Variants in EPHA6 observed in about 807,000 individuals in gnomAD.
EPHA6 encodes the protein ephrin type-A receptor 6.
EPHA6 carries 50 observed loss-of-function variants against 112.0 expected under a neutral mutation model. The ratio of observed to expected loss-of-function variants is 0.45; its 90% CI spans 0.36 to 0.56. EPHA6 has a LOEUF of 0.56. Among genes scored for constraint, EPHA6 ranks in the 20% least tolerant of loss-of-function variants. EPHA6 has a pLI of 0.00. For synonymous variants in EPHA6, 529 were observed against 490.7 expected, an observed-to-expected ratio of 1.08 and a Z score of -1.03; for missense variants, 1,280 against 1,417.4, an observed-to-expected ratio of 0.90 and a Z score of 1.56.
intron 11 of EPHA6, among the ~76,000 whole-genome samples, chr3:97,550,274 G>A (rs1488746724): frequency 6.6e-6 from 1 of 152,206 alleles, no homozygotes; most frequent in African/African-American, 2.4e-5. Context: ...TTACTGCAGG[G>A]ACAATAAGAA....
chr3:97,726,935 G>C (rs1280776294), intron 15 of EPHA6, among the ~76,000 whole-genome samples: 4 of 152,084 alleles, frequency 2.6e-5, no homozygotes, highest in African/African-American at 9.7e-5. Flanking sequence ...AGGTGACTTA[G>C]CTCAAGCTAA....
chr3:97,401,543 G>A (rs2086991007), intron 5 of EPHA6, among the ~76,000 whole-genome samples: 2 of 151,420 alleles, frequency 1.3e-5, no homozygotes, highest in African/African-American at 2.4e-5. Context: ...TTTGTTTCTG[G>A]TTTTGTTTAT....
intron 3 of EPHA6, among the ~76,000 whole-genome samples, chr3:97,156,357 T>C (rs955136751): frequency 1.3e-5 from 2 of 152,134 alleles, no homozygotes; most frequent in African/African-American, 4.8e-5. Flanking sequence ...ATAAATATAC[T>C]TAACAAAATT....
chr3:97,211,397 C>A (rs2077870724), intron 3 of EPHA6, among the ~76,000 whole-genome samples: 1 of 152,124 alleles, frequency 6.6e-6, no homozygotes, highest in Non-Finnish European at 1.5e-5. Flanking sequence ...TTGTCTTAGT[C>A]AGTTTGGGCT....
Position 96,824,544 on chromosome 3 carries a change from A to G in EPHA6, c.385+9536A>G, listed in dbSNP as rs185122788. Among the ~76,000 whole-genome samples, 69 of 152,122 alleles carry G rather than the reference A, an allele frequency of 4.5e-4. 2 individuals carry two copies. The East Asian group carries it at 0.012, about 27-fold the overall frequency. Reference sequence around the variant, plus strand: ...AAGCAAATATTCATCCAATTTTTAAATGAAATATTTTGACACCTATTATGT... The same window carrying G: ...AAGCAAATATTCATCCAATTTTTAAGTGAAATATTTTGACACCTATTATGT... On this transcript the variant is annotated intron_variant, in intron 1 of 17. Coordinates refer to ENST00000389672, the MANE Select transcript of EPHA6 (RefSeq NM_001080448.3).
At chr3:96,922,016 T>C (rs1423414258) in intron 2 of EPHA6, among the ~76,000 whole-genome samples, 2 of 151,782 alleles carry the variant, frequency 1.3e-5, no homozygotes, top group Admixed American at 6.6e-5. Flanking sequence ...TTAAAATAAA[T>C]GAGTCTACCT....
intron 2 of EPHA6, among the ~76,000 whole-genome samples, chr3:96,871,686 G>A (rs1282704226): frequency 2.0e-5 from 3 of 151,980 alleles, no homozygotes; most frequent in Admixed American, 6.6e-5. Context: ...ACTGGAAGTG[G>A]TGGTGGACAT....
intron 14 of EPHA6, among the ~76,000 whole-genome samples, chr3:97,682,776 G>C (rs1030563632): frequency 1.5e-4 from 23 of 152,144 alleles, no homozygotes; most frequent in African/African-American, 5.5e-4. Context: ...AACTAGCTAA[G>C]AGCTTATTTT....
chr3:97,091,944 G>A (rs2047079092), intron 3 of EPHA6, among the ~76,000 whole-genome samples: 1 of 151,810 alleles, frequency 6.6e-6, no homozygotes. Context: ...GCTTCTTGGT[G>A]GAGGGGTTGG....
At chr3:97,294,951 G>A (rs980805007) in intron 5 of EPHA6, among the ~76,000 whole-genome samples, 1 of 151,432 alleles carries the variant, frequency 6.6e-6, no homozygotes, top group African/African-American at 2.5e-5. Flanking sequence ...TCTGATGTTA[G>A]TCTGATGGGG....
intron 5 of EPHA6, among the ~76,000 whole-genome samples, chr3:97,352,007 C>T (rs1421189284): frequency 1.3e-5 from 2 of 151,938 alleles, no homozygotes; most frequent in Non-Finnish European, 2.9e-5. Flanking sequence ...CAAGAAGAAA[C>T]CACATAAAGG....
chr3:97,241,337 C>G lies in EPHA6; in HGVS notation c.1271-2615C>G, dbSNP rs142448313. On this transcript the variant is annotated intron_variant, in intron 4 of 17. Transcript: ENST00000389672. ...ATGAAGTTAGTCTGGAGGGTGAAGA[C>G]TGGAGATTGCTTTCTTTCTGTGTGA... 6.4e-3 allele frequency among the ~76,000 whole-genome samples: 966 copies of G among 151,828 alleles called. 7 individuals carry two copies. The highest frequency in any genetic ancestry group is 0.021 in the African/African-American group (880 of 41,458).
At chr3:97,309,968 C>G (rs1251919721) in intron 5 of EPHA6, among the ~76,000 whole-genome samples, 1 of 151,662 alleles carries the variant, frequency 6.6e-6, no homozygotes, top group Non-Finnish European at 1.5e-5. Context: ...CAAATAATAA[C>G]TAACAATAAT....
At chr3:97,739,849 A>C (rs1298358179) in intron 16 of EPHA6, among the ~76,000 whole-genome samples, 1 of 152,172 alleles carries the variant, frequency 6.6e-6, no homozygotes, top group Non-Finnish European at 1.5e-5. Flanking sequence ...TCCTTTCATA[A>C]ATGTGAATTT....
At chr3:97,339,863 G>C (rs188277690) in intron 5 of EPHA6, among the ~76,000 whole-genome samples, 1 of 150,822 alleles carries the variant, frequency 6.6e-6, no homozygotes, top group East Asian at 1.9e-4. Flanking sequence ...GTGGACAGGT[G>C]GCCTTCAGTG....
chr3:97,080,744 C>A (rs2108197235), intron 3 of EPHA6, among the ~76,000 whole-genome samples: 1 of 151,890 alleles, frequency 6.6e-6, no homozygotes, highest in East Asian at 1.9e-4. Flanking sequence ...TGGTTTTTTG[C>A]TTGTTTGAAT....
At chr3:96,851,074 T>A (rs2035355179) in intron 1 of EPHA6, among the ~76,000 whole-genome samples, 3 of 152,142 alleles carry the variant, frequency 2.0e-5, no homozygotes, top group Admixed American at 2.0e-4. Context: ...TGAGTGCTAA[T>A]TAAGAATATG....
At chr3:97,219,565 T>A (rs1559806572) in intron 3 of EPHA6, among the ~76,000 whole-genome samples, 1 of 152,120 alleles carries the variant, frequency 6.6e-6, no homozygotes. Context: ...TGGCTGAAGC[T>A]GGAGTGACTG....
chr3:97,012,061 G>T (rs1011402309), intron 3 of EPHA6, among the ~76,000 whole-genome samples: 1 of 152,000 alleles, frequency 6.6e-6, no homozygotes, highest in Non-Finnish European at 1.5e-5. Context: ...CTACACAATT[G>T]GTGGGCACCT....
Sources: allele counts gnomAD v4.1 joint callset (sites outside exome capture counted in the v4.1 genomes callset), GRCh38; gene constraint gnomAD v4.1.1; transcripts MANE v1.5; gene names NCBI Gene and HGNC (gene_info 2026-07-23, HGNC 2026-07-21).